PRKAA2: variants seen among roughly 807,000 people sequenced by gnomAD.
PRKAA2 encodes the protein protein kinase AMP-activated catalytic subunit alpha 2.
In PRKAA2, 40 loss-of-function variants were observed where a neutral mutation model predicts 56.3. That is an observed-to-expected ratio of 0.71 (90% confidence interval 0.55 to 0.92). PRKAA2 has a LOEUF of 0.92. PRKAA2 is among the 40% of genes least tolerant of loss of function. The probability of loss-of-function intolerance (pLI) is 0.00; values close to 1 mark genes in which losing one functional copy is unlikely to be tolerated. For synonymous variants in PRKAA2, 214 were observed against 234.2 expected (o/e 0.91, Z 0.79); for missense variants, 542 against 686.9 (o/e 0.79, Z 2.36).
chr1:56,691,725 G>A (rs12081693), intron 3 of PRKAA2, among the ~76,000 whole-genome samples: 2,993 of 152,214 alleles, frequency 0.02, 112 homozygotes, highest in African/African-American at 0.068. Context: ...TTTAAAATCT[G>A]TTCCATAAAA....
chr1:56,670,353 A>T (rs1045035416), intron 1 of PRKAA2, among the ~76,000 whole-genome samples: 2 of 152,172 alleles, frequency 1.3e-5, no homozygotes, highest in African/African-American at 4.8e-5. Flanking sequence ...GTTATGTCTG[A>T]TGGTGTCAAA....
chr1:56,697,193 T>G (rs900866568), intron 6 of PRKAA2, among the ~76,000 whole-genome samples: 1 of 151,534 alleles, frequency 6.6e-6, no homozygotes, highest in African/African-American at 2.4e-5. Context: ...TTTTTTAATT[T>G]TTTTATTTTT....
chr1:56,696,284 A>G (rs1644258703), intron 6 of PRKAA2, 125 bp downstream of exon 6: 1 of 797,630 alleles, frequency 1.3e-6, no homozygotes, highest in South Asian at 1.9e-5. Context: ...TGCTTCAGCC[A>G]CATTGAACTT....
chr1:56,647,943 T>C (rs1433164605), intron 1 of PRKAA2, among the ~76,000 whole-genome samples: 2 of 150,120 alleles, frequency 1.3e-5, no homozygotes, highest in Non-Finnish European at 1.5e-5. Flanking sequence ...GGCAGGAGAA[T>C]CACTTGGACC....
At chr1:56,671,059 C>T (rs1469760972) in intron 1 of PRKAA2, among the ~76,000 whole-genome samples, 1 of 152,166 alleles carries the variant, frequency 6.6e-6, no homozygotes, top group African/African-American at 2.4e-5. Context: ...AACTTTGAGG[C>T]ATCCAAGCCT....
At chr1:56,701,588 G>A (rs548795113) in intron 6 of PRKAA2, among the ~76,000 whole-genome samples, 12 of 152,154 alleles carry the variant, frequency 7.9e-5, no homozygotes, top group South Asian at 4.1e-4. Flanking sequence ...AGCTAAATAA[G>A]GTATGGTCAC....
rs548917089 is a variant in PRKAA2 at position 56,707,937 on chromosome 1, A to G, written c.*224A>G. 6 of 558,668 alleles carry G rather than the reference A, an allele frequency of 1.1e-5. No homozygotes were observed. Among genetic ancestry groups the G allele is most frequent in the Middle Eastern group, 4.9e-4 (1 of 2,054 alleles). 34.6% of individuals were successfully genotyped at this position (558,668 alleles called of 1,614,324 possible). A position where few individuals can be genotyped will look rare whatever the true frequency, so the allele number is the denominator to read the frequency against. On this transcript the variant is annotated 3_prime_UTR_variant, in exon 9 of 9. Transcript: ENST00000371244. The stretch of plus-strand genomic sequence containing the variant: ...GTGCCTATGATAAATTCACATAGGC[A>G]ATATCTTTAATAGGTTAATATCAAT...
chr1:56,666,866 A>T (rs1380021927), intron 1 of PRKAA2, among the ~76,000 whole-genome samples: 3 of 152,176 alleles, frequency 2.0e-5, no homozygotes, highest in Admixed American at 2.0e-4. Context: ...TAGGTGCATA[A>T]CATGCTGTGA....
At chr1:56,675,483 T>C (rs1053861296) in intron 2 of PRKAA2, among the ~76,000 whole-genome samples, 4 of 152,136 alleles carry the variant, frequency 2.6e-5, no homozygotes, top group East Asian at 1.9e-4. Context: ...AATAGCAGCT[T>C]ATCCAAGGCC....
chr1:56,701,622 C>A (rs932809450), intron 6 of PRKAA2, among the ~76,000 whole-genome samples: 1 of 152,046 alleles, frequency 6.6e-6, no homozygotes, highest in Non-Finnish European at 1.5e-5. Context: ...TGTCGCCGGG[C>A]GCGGTGGCTC....
intron 1 of PRKAA2, among the ~76,000 whole-genome samples, chr1:56,657,441 G>A (rs56022783): frequency 0.11 from 16,218 of 152,240 alleles, 1,019 homozygotes; most frequent in South Asian, 0.26. Context: ...ACTTTGGGAG[G>A]CCAAGGCGGG....
chr1:56,704,623 G>T (rs1052385748), intron 7 of PRKAA2, 148 bp downstream of exon 7: 12 of 921,154 alleles, frequency 1.3e-5, no homozygotes, highest in Middle Eastern at 3.0e-4. Flanking sequence ...CCTCTATAAG[G>T]ATGAAAAGTG....
intron 2 of PRKAA2, among the ~76,000 whole-genome samples, chr1:56,677,335 T>C (rs1157174060): frequency 6.6e-6 from 1 of 152,242 alleles, no homozygotes; most frequent in Admixed American, 6.5e-5. Flanking sequence ...TTCTAGTTAC[T>C]GGGTAACATC....
At chr1:56,694,604 C>T (rs1444054343) in intron 5 of PRKAA2, among the ~76,000 whole-genome samples, 1 of 152,026 alleles carries the variant, frequency 6.6e-6, no homozygotes, top group African/African-American at 2.4e-5. Context: ...TGAGGGTCTG[C>T]TTCCTAATAG....
intron 1 of PRKAA2, among the ~76,000 whole-genome samples, chr1:56,664,031 A>G (rs12134054): frequency 0.31 from 46,643 of 152,104 alleles, 7,845 homozygotes; most frequent in Admixed American, 0.44. Context: ...ACAGAAGGTC[A>G]GGGTTGCAGG....
intron 2 of PRKAA2, among the ~76,000 whole-genome samples, chr1:56,677,976 G>A (rs1030735320): frequency 1.3e-5 from 2 of 152,100 alleles, no homozygotes; most frequent in African/African-American, 4.8e-5. Context: ...TATTTTTGAT[G>A]TCATATTTAT....
Position 56,713,867 on chromosome 1 carries a change from A to C in PRKAA2, c.*6154A>C, listed in dbSNP as rs1254647027. 6.6e-6 allele frequency: 1 copy of C among 151,548 alleles called. No individual in the cohort carries two copies. Among genetic ancestry groups the C allele is most frequent in the African/African-American group, 2.4e-5 (1 of 41,282 alleles). 9.4% of individuals were successfully genotyped at this position (151,548 alleles called of 1,614,324 possible). On this transcript the variant is annotated 3_prime_UTR_variant, in exon 9 of 9. Transcript: ENST00000371244. ...CTGTTCTAAAAAAAAAAAAAAAAAAAAACACTAAATTGTGCCTTCTCCCTT... is the reference window on the plus strand; with the variant it reads ...CTGTTCTAAAAAAAAAAAAAAAAAACAACACTAAATTGTGCCTTCTCCCTT...
rs1233502118 is a variant in PRKAA2, at chr1:56,713,327, A to G, written c.*5614A>G. 6.6e-6 allele frequency: 1 copy of G among 152,154 alleles called. No individual in the cohort carries two copies. The allele number at this position is 152,154 out of a possible 1,614,324, so 9.4% of individuals were successfully genotyped here. A position where few individuals can be genotyped will look rare whatever the true frequency, so the allele number is the denominator to read the frequency against. On this transcript the variant is annotated 3_prime_UTR_variant, in exon 9 of 9. Coordinates refer to ENST00000371244, the MANE Select transcript of PRKAA2 (RefSeq NM_006252.4). The stretch of plus-strand genomic sequence containing the variant: ...TAGGCCTGTATTAATTTTGCAAGCT[A>G]ATGTTAATGTTTACTGCCAGCCTTG...
At chr1:56,674,629 TC>T in intron 2 of PRKAA2, 107 bp downstream of exon 2, 1 of 1,029,698 alleles carries the variant, frequency 9.7e-7, no homozygotes, top group Non-Finnish European at 1.4e-6. Flanking sequence ...AGATTTTTTT[TC>T]ATGTTCATAT....
Sources: allele counts gnomAD v4.1 joint callset (sites outside exome capture counted in the v4.1 genomes callset), GRCh38; gene constraint gnomAD v4.1.1; transcripts MANE v1.5; gene names NCBI Gene and HGNC (gene_info 2026-07-23, HGNC 2026-07-21).